Variants in NTRK3 observed in about 807,000 individuals in gnomAD.
NTRK3 encodes the protein neurotrophic receptor tyrosine kinase 3.
Under a neutral mutation model 91.7 loss-of-function variants are expected in NTRK3, and 24 were observed. The ratio of observed to expected loss-of-function variants is 0.26; its 90% CI spans 0.19 to 0.37. The LOEUF (loss-of-function observed/expected upper bound fraction) is 0.37, where lower values mean the gene tolerates loss of function less well. Among genes scored for constraint, NTRK3 ranks in the 10% least tolerant of loss-of-function variants. NTRK3 has a pLI of 1.00. For synonymous variants in NTRK3, 483 were observed against 404.0 expected (o/e 1.20, Z -2.34); for missense variants, 880 against 1,068.9 (o/e 0.82, Z 2.46).
intron 14 of NTRK3, among the ~76,000 whole-genome samples, chr15:87,992,796 T>A (rs2075391805): frequency 6.6e-6 from 1 of 152,362 alleles, no homozygotes; most frequent in East Asian, 1.9e-4. Flanking sequence ...TTTTGCCATC[T>A]CAGCTCCCAT....
At position 87,916,075 on chromosome 15, in the gene NTRK3, G is replaced by T. The variant is rs117435307; in HGVS notation, c.2133+13116C>A. Among the ~76,000 whole-genome samples the T allele has an allele frequency of 2.5e-3, 374 of 152,192 alleles. 10 individuals are homozygous for T. The East Asian group carries it at 0.027, about 11-fold the overall frequency. On this transcript the variant is annotated intron_variant, in intron 17 of 18. Transcript: ENST00000394480. ...TGAAGTTCTGAATTTCAGATGCTTTGTATTGACCCAGTCTTCTGATTCCTC... is the reference window on the plus strand; with the variant it reads ...TGAAGTTCTGAATTTCAGATGCTTTTTATTGACCCAGTCTTCTGATTCCTC...
chr15:87,992,965 T>C (rs887685897), intron 14 of NTRK3, among the ~76,000 whole-genome samples: 2 of 152,234 alleles, frequency 1.3e-5, no homozygotes, highest in African/African-American at 4.8e-5. Context: ...TACAACAATA[T>C]GCCACATTAT....
rs1003696743 is a variant in NTRK3, at chr15:88,088,372, T to C, written c.1396+37899A>G. On this transcript the variant is annotated intron_variant, in intron 13 of 18. Transcript: ENST00000394480. ...ATAACTTCAGAGGCATGAGATGTTT[T>C]TGCTCATCCTTTTGCCCCTGCACTC... Among the ~76,000 whole-genome samples the C allele has an allele frequency of 5.9e-5, 9 of 152,196 alleles. 1 individual carries two copies. Among genetic ancestry groups the C allele is most frequent in the Admixed American group, 5.2e-4 (8 of 15,278 alleles).
At chr15:88,219,370 AG>A (rs2050057107) in intron 3 of NTRK3, among the ~76,000 whole-genome samples, 1 of 152,254 alleles carries the variant, frequency 6.6e-6, no homozygotes, top group Non-Finnish European at 1.5e-5. Flanking sequence ...GGGGGCCAAG[AG>A]GAGAAGTCCC....
chr15:88,146,559 T>G (rs1223028994), intron 6 of NTRK3, among the ~76,000 whole-genome samples: 1 of 152,194 alleles, frequency 6.6e-6, no homozygotes, highest in Non-Finnish European at 1.5e-5. Context: ...ATGACCCCGA[T>G]GAATCACTCA....
At chr15:87,963,343 G>C (rs2072481315) in intron 14 of NTRK3, among the ~76,000 whole-genome samples, 1 of 152,164 alleles carries the variant, frequency 6.6e-6, no homozygotes, top group Non-Finnish European at 1.5e-5. Context: ...CAGGGGACTA[G>C]ACAAATAAAT....
chr15:88,192,486 T>G (rs191030158), intron 3 of NTRK3, among the ~76,000 whole-genome samples: 1 of 152,032 alleles, frequency 6.6e-6, no homozygotes, highest in African/African-American at 2.4e-5. Context: ...AGAACAAGCA[T>G]CCCCTCCTAC....
intron 17 of NTRK3, among the ~76,000 whole-genome samples, chr15:87,890,127 A>T (rs1008856614): frequency 1.3e-5 from 2 of 152,218 alleles, no homozygotes; most frequent in African/African-American, 4.8e-5. Context: ...CTGACCAGGT[A>T]TCCAGAGCCC....
intron 3 of NTRK3, among the ~76,000 whole-genome samples, chr15:88,214,799 T>G (rs959789836): frequency 6.6e-6 from 1 of 152,174 alleles, no homozygotes; most frequent in Non-Finnish European, 1.5e-5. Context: ...ATTTACCATT[T>G]TGTCCCATAA....
intron 10 of NTRK3, among the ~76,000 whole-genome samples, chr15:88,130,580 C>T (rs933761404): frequency 3.9e-5 from 6 of 152,134 alleles, no homozygotes; most frequent in Admixed American, 2.6e-4. Flanking sequence ...GCCCCCGAAA[C>T]GATGCACTGA....
exon 19 of NTRK3, chr15:87,866,249 T>A (rs951757864): frequency 1.4e-5 from 3 of 210,666 alleles, no homozygotes; most frequent in Non-Finnish European, 2.9e-5. Flanking sequence ...TCTACCACAC[T>A]TTCCATCTGT....
At chr15:87,988,970 T>C (rs958509062) in intron 14 of NTRK3, among the ~76,000 whole-genome samples, 1 of 152,062 alleles carries the variant, frequency 6.6e-6, no homozygotes, top group Non-Finnish European at 1.5e-5. Context: ...CAGGCTGGGG[T>C]GCAGTGGTGC....
intron 14 of NTRK3, among the ~76,000 whole-genome samples, chr15:88,025,543 T>A (rs986637751): frequency 6.6e-6 from 1 of 152,206 alleles, no homozygotes; most frequent in Admixed American, 6.5e-5. Flanking sequence ...GGCAGTCTTA[T>A]GAAGACAGAG....
intron 13 of NTRK3, among the ~76,000 whole-genome samples, chr15:88,086,219 T>C (rs1184761167): frequency 6.6e-6 from 1 of 152,232 alleles, no homozygotes; most frequent in Non-Finnish European, 1.5e-5. Context: ...GACGCCTCCA[T>C]TATTTGTTCA....
chr15:88,041,824 TAAAAAAAAAAAA>T (rs35696268), intron 13 of NTRK3, among the ~76,000 whole-genome samples: 1 of 90,244 alleles, frequency 1.1e-5, no homozygotes, highest in South Asian at 5.4e-4. Context: ...AAGTCCCTCA[TAAAAAAAAAAAA>T]AAAAAAAAAA....
exon 6 of NTRK3, chr15:88,147,370 C>T (rs138266478): frequency 2.0e-5 from 32 of 1,613,668 alleles, no homozygotes; most frequent in African/African-American, 1.6e-4. Context: ...AGAGCTGCCA[C>T]GAGAGTGTGG....
In NTRK3 at chr15:88,074,898, C is replaced by T. The variant is rs372198882; in HGVS notation, c.1397-41853G>A. ...CTGTAAAATGGGAATAAAATAATCA[C>T]CTATGATAGTTATTGGAATCAAGTG... On this transcript the variant is annotated intron_variant, in intron 13 of 18. Transcript: ENST00000394480. Among the ~76,000 whole-genome samples the T allele has an allele frequency of 7.0e-4, 106 of 152,244 alleles. 1 individual carries two copies. The highest frequency in any genetic ancestry group is 2.2e-3 in the African/African-American group (91 of 41,532).
intron 13 of NTRK3, among the ~76,000 whole-genome samples, chr15:88,073,236 G>A (rs941412042): frequency 5.9e-5 from 9 of 152,188 alleles, no homozygotes; most frequent in African/African-American, 2.2e-4. Context: ...TCTGGGGCAG[G>A]GGCCCAGCGA....
At chr15:88,092,840 T>G (rs528732027) in intron 13 of NTRK3, among the ~76,000 whole-genome samples, 24 of 152,320 alleles carry the variant, frequency 1.6e-4, no homozygotes, top group African/African-American at 5.8e-4. Context: ...CACTGCCTTC[T>G]CTGTGCATGT....
Sources: gnomAD v4.1 joint callset for allele counts (sites outside exome capture counted in the v4.1 genomes callset) on GRCh38, gnomAD v4.1.1 for gene constraint, MANE v1.5 for transcripts, NCBI Gene and HGNC (gene_info 2026-07-23, HGNC 2026-07-21) for gene names.